The following GCC2 variants were observed in gnomAD, a reference collection of about 807,000 sequenced individuals.
GCC2 encodes the protein GRIP and coiled-coil domain containing 2, also known as GRIP and coiled-coil domain-containing protein 2.
GCC2 carries 120 observed loss-of-function variants against 210.6 expected under a neutral mutation model. That is an observed-to-expected ratio of 0.57 (90% CI 0.49 to 0.66). The LOEUF (loss-of-function observed/expected upper bound fraction) is 0.66, where lower values mean the gene tolerates loss of function less well. Ranked by LOEUF, GCC2 falls within the 30% of genes least tolerant of loss-of-function variation. The pLI is 0.00. For synonymous variants in GCC2, 703 were observed against 652.7 expected, an observed-to-expected ratio of 1.08 and a Z score of -1.17; for missense variants, 1,868 against 1,871.9, an observed-to-expected ratio of 1.00 and a Z score of 0.04.
At chr2:108,468,429 T>C (rs1391926354) in intron 4 of GCC2, among the ~76,000 whole-genome samples, 2 of 152,216 alleles carry the variant, frequency 1.3e-5, no homozygotes, top group African/African-American at 4.8e-5. Flanking sequence ...TGATCAGTTT[T>C]ATTAAAAGGT....
At chr2:108,507,358 C>T (rs1683241584) in intron 22 of GCC2, among the ~76,000 whole-genome samples, 1 of 149,880 alleles carries the variant, frequency 6.7e-6, no homozygotes, top group Non-Finnish European at 1.5e-5. Context: ...CACGCCACTG[C>T]ACTCCAGCCT....
Position 108,472,113 on chromosome 2 carries a change from A to G in GCC2, c.2784A>G (p.Leu928=). ...LRDRRAELIL[L]KDSLAKSPSV... is the part of the protein sequence containing the mutation. ...ATAGGAGAGCAGAGTTGATACTATT[A>G]AAGGTACCATTCATTTGAATTCTAT... The change falls in exon 6 of 23, where the codon TTA becomes TTG. Residue 928 remains leucine (L), a synonymous_variant. Transcript: ENST00000309863. The G allele has an allele frequency of 6.7e-7, 1 of 1,502,186 alleles. No homozygotes were observed. Among genetic ancestry groups the G allele is most frequent in the Non-Finnish European group, 8.9e-7 (1 of 1,126,002 alleles). 93.1% of individuals were successfully genotyped at this position (1,502,186 alleles called of 1,614,324 possible).
At chr2:108,459,878 G>A (rs980246996) in intron 4 of GCC2, among the ~76,000 whole-genome samples, 1 of 150,214 alleles carries the variant, frequency 6.7e-6, no homozygotes, top group Non-Finnish European at 1.5e-5. Flanking sequence ...TGTAGTGAGC[G>A]GAGATCACGC....
chr2:108,454,773 T>G (rs186122002), intron 4 of GCC2, among the ~76,000 whole-genome samples: 35 of 152,332 alleles, frequency 2.3e-4, no homozygotes, highest in Admixed American at 9.1e-4. Flanking sequence ...CAAACAGGAT[T>G]GATGTAGAAA....
intron 4 of GCC2, among the ~76,000 whole-genome samples, chr2:108,458,255 C>A (rs947051312): frequency 6.7e-6 from 1 of 148,410 alleles, no homozygotes; most frequent in Non-Finnish European, 1.5e-5. Context: ...TTGCATCCCT[C>A]GAATAAATTC....
At chr2:108,467,882 A>G (rs1014688615) in intron 4 of GCC2, among the ~76,000 whole-genome samples, 6 of 152,110 alleles carry the variant, frequency 3.9e-5, no homozygotes, top group African/African-American at 1.4e-4. Context: ...ACTCACCTTA[A>G]AAACCATCTA....
intron 15 of GCC2, 165 bp from the exon 16 acceptor site, chr2:108,486,346 C>T: frequency 1.5e-6 from 1 of 685,446 alleles, no homozygotes; most frequent in Non-Finnish European, 2.6e-6. Flanking sequence ...AGAAAATGTT[C>T]TACTTGTCTC....
At position 108,471,845 on chromosome 2, in the gene GCC2, A is replaced by G; in HGVS notation, c.2516A>G (p.Glu839Gly). Residue 839 changes from glutamate (E) to glycine (G), a missense_variant, in exon 6 of 23, where the codon GAG becomes GGG. Glu to Gly is a moderately conservative substitution (Grantham distance 98). This residue lies in a region of GCC2 where 1,847 missense variants were observed against 1,765.2 expected (regional missense o/e 1.05). Transcript: ENST00000309863. Reference sequence around the variant, plus strand: ...TCTTTATTGAGAGACTATGAGCAAGAGAAAGTTCTCTTAAGGAAAGAGTTA... The same window carrying G: ...TCTTTATTGAGAGACTATGAGCAAGGGAAAGTTCTCTTAAGGAAAGAGTTA... ...LKSLLRDYEQEKVLLRKELEE... is the reference protein window; with the variant it reads ...LKSLLRDYEQGKVLLRKELEE... 1 of 1,613,522 alleles carries G rather than the reference A, an allele frequency of 6.2e-7. No individual in the cohort carries two copies. Among genetic ancestry groups the G allele is most frequent in the South Asian group, 1.1e-5 (1 of 90,978 alleles).
chr2:108,450,372 G>A (rs1006559295), intron 2 of GCC2, among the ~76,000 whole-genome samples: 17 of 152,320 alleles, frequency 1.1e-4, no homozygotes, highest in African/African-American at 4.1e-4. Context: ...AAGACTTGCA[G>A]CCTTGAATAG....
chr2:108,483,333 T>G (rs1369512286), intron 12 of GCC2, among the ~76,000 whole-genome samples, 167 bp downstream of exon 12: 1 of 152,078 alleles, frequency 6.6e-6, no homozygotes, highest in African/African-American at 2.4e-5. Flanking sequence ...AAGCAGTTCT[T>G]GTGCCTCAGC....
At chr2:108,461,191 CTTCTCTT>C (rs1680551201) in intron 4 of GCC2, among the ~76,000 whole-genome samples, 1 of 152,062 alleles carries the variant, frequency 6.6e-6, no homozygotes, top group Non-Finnish European at 1.5e-5. Flanking sequence ...TCTCTTTTCT[CTTCTCTT>C]TTCTCTGGGT....
chr2:108,452,691 C>CTT (rs34444254), intron 4 of GCC2, among the ~76,000 whole-genome samples: 98 of 99,384 alleles, frequency 9.9e-4, no homozygotes, highest in African/African-American at 1.9e-3. Context: ...TTTTTTCTTT[C>CTT]TTTTTTTTTT....
rs746381453 is a variant in GCC2 at position 108,469,966 on chromosome 2, A to C, written c.637A>C (p.Lys213Gln). ...KQLDATTDEK[K>Q]ETVTQLQNII... ...ATTAGACGCTACCACTGATGAAAAG[A>C]AGGAAACAGTTACTCAACTCCAAAA... The change falls in exon 6 of 23, where the codon AAG becomes CAG. Residue 213 changes from lysine (K) to glutamine (Q), a missense_variant. Physicochemically the swap from Lys to Gln is moderately conservative, Grantham distance 53 (BLOSUM62 1). This residue lies in a region of GCC2 where 1,847 missense variants were observed against 1,765.2 expected (regional missense o/e 1.05). Coordinates refer to ENST00000309863, the MANE Select transcript of GCC2 (RefSeq NM_181453.4). 9 of 1,613,402 alleles carry C rather than the reference A, an allele frequency of 5.6e-6. No individual in the cohort carries two copies. In the Admixed American group the frequency reaches 1.5e-4, roughly 27 times the overall value.
intron 7 of GCC2, chr2:108,475,328 A>G (rs1223762700): frequency 8.3e-6 from 3 of 361,018 alleles, no homozygotes; most frequent in Non-Finnish European, 1.5e-5. Context: ...ATTTTGGAGG[A>G]TTAAAGACAA....
intron 9 of GCC2, among the ~76,000 whole-genome samples, 169 bp from the exon 10 acceptor site, chr2:108,481,528 C>T (rs1681847816): frequency 6.6e-6 from 1 of 151,964 alleles, no homozygotes; most frequent in Non-Finnish European, 1.5e-5. Flanking sequence ...AAAAGTTACC[C>T]AAAATGTGCT....
At chr2:108,461,720 T>C (rs1052065989) in intron 4 of GCC2, among the ~76,000 whole-genome samples, 2 of 151,964 alleles carry the variant, frequency 1.3e-5, no homozygotes, top group Admixed American at 1.3e-4. Flanking sequence ...GCCAGGCTGG[T>C]CTTGAGCTCA....
intron 22 of GCC2, among the ~76,000 whole-genome samples, chr2:108,500,049 G>A (rs1489889871): frequency 5.3e-5 from 8 of 152,052 alleles, no homozygotes; most frequent in Non-Finnish European, 1.2e-4. Flanking sequence ...TCAGCTGAAC[G>A]TGGTTTTGTT....
Position 108,489,970 on chromosome 2 carries a change from G to A in GCC2, c.4185G>A (p.Lys1395=). 1 of 1,610,290 alleles carries A rather than the reference G, an allele frequency of 6.2e-7. No homozygotes were observed. Among genetic ancestry groups the A allele is most frequent in the South Asian group, 1.1e-5 (1 of 90,502 alleles). The change falls in exon 18 of 23, where the codon AAG becomes AAA. Residue 1395 remains lysine, a synonymous_variant. Transcript: ENST00000309863. ...EHDTLLERHN[K]MLQETVSKEA... is the part of the protein sequence containing the mutation. ...ATACACTGCTAGAAAGGCACAACAAGATGCTGCAGGAAACTGTGTCCAAAG... is the reference window on the plus strand; with the variant it reads ...ATACACTGCTAGAAAGGCACAACAAAATGCTGCAGGAAACTGTGTCCAAAG...
Position 108,461,125 on chromosome 2 carries a change from G to A in GCC2, c.217-7855G>A, listed in dbSNP as rs772699132. Among the ~76,000 whole-genome samples the A allele has an allele frequency of 2.0e-5, 3 of 152,152 alleles. No homozygotes were observed. In the South Asian group the frequency reaches 6.2e-4, roughly 32 times the overall value. On this transcript the variant is annotated intron_variant, in intron 4 of 22. Transcript: ENST00000309863. ...TCAGACTAATACACTTTGGCTGGGA[G>A]TTTTTCCTTCAGCATTTTGAATATA...
Sources: allele counts gnomAD v4.1 joint callset (sites outside exome capture counted in the v4.1 genomes callset), GRCh38; gene constraint gnomAD v4.1.1; regional missense constraint gnomAD v4.1.1; transcripts MANE v1.5; gene names NCBI Gene and HGNC (gene_info 2026-07-23, HGNC 2026-07-21).